The following GRAMD4 variants were observed in gnomAD, a reference collection of about 807,000 sequenced individuals.
GRAMD4 encodes GRAM domain-containing protein 4.
A neutral mutation model predicts 83.9 loss-of-function variants in GRAMD4; 25 were observed. The observed-to-expected ratio is 0.30, with a 90% CI of 0.22 to 0.42. The LOEUF is 0.42. Ranked by LOEUF, GRAMD4 falls within the 10% of genes least tolerant of loss-of-function variation. The pLI, the probability that GRAMD4 is intolerant of heterozygous loss-of-function variation, is 1.00. For missense variants in GRAMD4, 593 were observed against 788.7 expected (o/e 0.75, Z 2.97); for synonymous variants, 336 against 320.9 (o/e 1.05, Z -0.50).
At chr22:46,616,033 CATGTGTAGGTTCCCCT>C (rs2081484247), upstream of GRAMD4, among the ~76,000 whole-genome samples, 5 of 111,090 alleles carry the variant, frequency 4.5e-5, no homozygotes, top group South Asian at 3.5e-4. Context: ...TTGGTTCCCC[CATGTGTAGGTTCCCCT>C]GTGCGTGTCG....
intron 3 of GRAMD4, among the ~76,000 whole-genome samples, chr22:46,644,192 T>TGTTACACCTGTCCCTGTTCC (rs2147256771): frequency 6.6e-6 from 1 of 152,110 alleles, no homozygotes; most frequent in African/African-American, 2.4e-5. Context: ...GCCCCTGTTC[T>TGTTACACCTGTCCCTGTTCC]ATGTTACACC....
upstream of GRAMD4, among the ~76,000 whole-genome samples, chr22:46,615,649 C>T (rs553242479): frequency 4.1e-4 from 31 of 76,100 alleles, 2 homozygotes; most frequent in Admixed American, 2.0e-3. Flanking sequence ...TTCCCCTGTG[C>T]GTGTAGGTTC....
chr22:46,605,893 C>A (rs376075961), intron 1 of GRAMD4, among the ~76,000 whole-genome samples: 1 of 142,912 alleles, frequency 7.0e-6, no homozygotes, highest in African/African-American at 2.6e-5. Context: ...GGCTTATGGC[C>A]GGTGCTGAGC....
rs1188091332 is a variant in GRAMD4, at chr22:46,677,716, C to T, written c.*465C>T. ...CTTCCTCCTGGGGACAGAAAGATGT[C>T]GTCAAGGAGGGACATGGGGGCCTTT... On this transcript the variant is annotated 3_prime_UTR_variant, in exon 19 of 19. Coordinates refer to ENST00000406902, the MANE Select transcript of GRAMD4 (RefSeq NM_015124.5). 20 of 986,406 alleles carry T rather than the reference C, an allele frequency of 2.0e-5. No individual in the cohort carries two copies. The highest frequency in any genetic ancestry group is 2.3e-5 in the Non-Finnish European group (19 of 830,568). The allele number at this position is 986,406 out of a possible 1,614,324, so 61.1% of individuals were successfully genotyped here.
chr22:46,618,087 C>T (rs2081527285), upstream of GRAMD4, among the ~76,000 whole-genome samples: 1 of 152,044 alleles, frequency 6.6e-6, no homozygotes. The surrounding 1 kb of genome is among the most constrained non-coding windows in gnomAD (Gnocchi z 5.8). Flanking sequence ...CTGGCGGGGA[C>T]CCCCCAGCCG....
chr22:46,648,109 G>T (rs1352920567), intron 3 of GRAMD4, among the ~76,000 whole-genome samples: 1 of 151,562 alleles, frequency 6.6e-6, no homozygotes, highest in East Asian at 1.9e-4. Flanking sequence ...TAGGTAGATG[G>T]GTGGACGGGT....
At chr22:46,671,372 G>A (rs1355724926) in intron 13 of GRAMD4, among the ~76,000 whole-genome samples, 6 of 152,288 alleles carry the variant, frequency 3.9e-5, no homozygotes, top group African/African-American at 1.2e-4. Context: ...GTGAAACCCC[G>A]TCTCTACCAA....
chr22:46,614,137 T>C (rs1270479519), intron 1 of GRAMD4, among the ~76,000 whole-genome samples: 1 of 152,258 alleles, frequency 6.6e-6, no homozygotes, highest in Non-Finnish European at 1.5e-5. Flanking sequence ...CATTGAATAC[T>C]CGAACCCCAT....
intron 1 of GRAMD4, among the ~76,000 whole-genome samples, chr22:46,591,097 C>A (rs918295666): frequency 5.3e-5 from 8 of 152,202 alleles, no homozygotes; most frequent in African/African-American, 1.7e-4. Flanking sequence ...ACCCAAAAAA[C>A]AGCCAGAGAA....
intron 3 of GRAMD4, among the ~76,000 whole-genome samples, chr22:46,644,523 G>A (rs1356241276): frequency 2.1e-5 from 3 of 144,962 alleles, no homozygotes; most frequent in Non-Finnish European, 3.0e-5. Flanking sequence ...CCCCTGTTCC[G>A]TGTTACACCT....
chr22:46,576,452 C>T (rs5767273), upstream of GRAMD4, among the ~76,000 whole-genome samples: 21,771 of 152,126 alleles, frequency 0.14, 1,766 homozygotes, highest in East Asian at 0.22. Context: ...GGGTGTCCTG[C>T]CCCGCAGGTA....
intron 1 of GRAMD4, among the ~76,000 whole-genome samples, chr22:46,604,504 TC>T (rs1381141310): frequency 7.2e-5 from 11 of 152,290 alleles, no homozygotes; most frequent in African/African-American, 2.6e-4. Flanking sequence ...CCCCAGAACA[TC>T]TGATCTTCCC....
chr22:46,649,718 T>C (rs2082136788), intron 3 of GRAMD4, among the ~76,000 whole-genome samples: 2 of 152,232 alleles, frequency 1.3e-5, no homozygotes, highest in African/African-American at 4.8e-5. Context: ...GTAAACATTA[T>C]CTCTGCACAT....
chr22:46,647,046 C>T (rs2082082321), intron 3 of GRAMD4, among the ~76,000 whole-genome samples: 1 of 152,162 alleles, frequency 6.6e-6, no homozygotes, highest in Admixed American at 6.5e-5. Flanking sequence ...CGGGGCCCCT[C>T]CCACAACACT....
In GRAMD4 at chr22:46,663,829, C is replaced by T. The variant is rs2082367723; in HGVS notation, c.600-9C>T. 1 of 1,613,212 alleles carries T rather than the reference C, an allele frequency of 6.2e-7. No homozygotes were observed. The highest frequency in any genetic ancestry group is 2.2e-5 in the East Asian group (1 of 44,884). On this transcript the variant is annotated splice_polypyrimidine_tract_variant and intron_variant, in intron 6 of 18. Coordinates refer to ENST00000406902, the MANE Select transcript of GRAMD4 (RefSeq NM_015124.5). ...ACCCTGGGCTCCCATCTCTCCCCTT[C>T]TCTCTTAGGTTAACTGAAAATATGA...
chr22:46,679,596 A>G lies in GRAMD4; in HGVS notation c.*2345A>G. On this transcript the variant is annotated 3_prime_UTR_variant, in exon 19 of 19. Transcript: ENST00000406902. ...TTAAATTTTTTATGTCTGAAGCCTG[A>G]GTCTATTTTGGATCTGTAAATAATC... The G allele has an allele frequency of 2.0e-6, 2 of 983,732 alleles. No individual in the cohort carries two copies. Among genetic ancestry groups the G allele is most frequent in the Non-Finnish European group, 2.4e-6 (2 of 828,212 alleles). 60.9% of individuals were successfully genotyped at this position (983,732 alleles called of 1,614,324 possible).
At chr22:46,648,975 G>GATGGATGGATGGATGC (rs2082126377) in intron 3 of GRAMD4, among the ~76,000 whole-genome samples, 1 of 147,834 alleles carries the variant, frequency 6.8e-6, no homozygotes, top group South Asian at 2.2e-4. Flanking sequence ...TGGATGGATG[G>GATGGATGGATGGATGC]ATGGATGGAT....
chr22:46,621,240 T>G lies in GRAMD4; in HGVS notation c.-50+675T>G, dbSNP rs2081570432. Among the ~76,000 whole-genome samples, 1 of 152,144 alleles carries G rather than the reference T, an allele frequency of 6.6e-6. No individual in the cohort carries two copies. Among genetic ancestry groups the G allele is most frequent in the African/African-American group, 2.4e-5 (1 of 41,412 alleles). ...GTGCAGCCTGGAGCTATGCTCAGTG[T>G]GTAGACGGGCCTTGGTTCCTGCATC... is the stretch of plus-strand genomic sequence containing the variant. On this transcript the variant is annotated intron_variant, in intron 1 of 18. Coordinates refer to ENST00000406902, the MANE Select transcript of GRAMD4 (RefSeq NM_015124.5). The surrounding 1 kb of genome is among the most constrained non-coding windows in gnomAD (Gnocchi z 5.8).
intron 3 of GRAMD4, 100 bp downstream of exon 3, chr22:46,638,060 C>T: frequency 7.8e-7 from 1 of 1,283,482 alleles, no homozygotes. Flanking sequence ...CTGGTGAAGA[C>T]CCACGCAGGC....
Sources: gnomAD v4.1 joint callset for allele counts (sites outside exome capture counted in the v4.1 genomes callset) on GRCh38, gnomAD v4.1.1 for gene constraint, Gnocchi (gnomAD v3.1) non-coding constraint, MANE v1.5 for transcripts, NCBI Gene and HGNC (gene_info 2026-07-23, HGNC 2026-07-21) for gene names.